Variants in XRRA1 observed in about 807,000 individuals in gnomAD.
XRRA1 encodes the protein X-ray radiation resistance-associated protein 1.
In XRRA1, 69 loss-of-function variants were observed where a neutral mutation model predicts 80.2. The observed-to-expected ratio is 0.86, with a 90% confidence interval of 0.71 to 1.05. The LOEUF (loss-of-function observed/expected upper bound fraction) is 1.05. Ranked by LOEUF, XRRA1 falls within the 50% of genes least tolerant of loss-of-function variation. The pLI, the probability that XRRA1 is intolerant of heterozygous loss-of-function variation, is 0.00. For synonymous variants in XRRA1, 348 were observed against 389.9 expected, an observed-to-expected ratio of 0.89 and a Z score of 1.27; for missense variants, 967 against 976.4, an observed-to-expected ratio of 0.99 and a Z score of 0.13.
Position 74,921,363 on chromosome 11 carries a change from G to GA in XRRA1, c.523-17dup. 1 of 1,613,670 alleles carries GA rather than the reference G, an allele frequency of 6.2e-7. No individual in the cohort carries two copies. The highest frequency in any genetic ancestry group is 8.5e-7 in the Non-Finnish European group (1 of 1,179,696). ...GGTCCAAGAACTGCCATGCAAAGAT[G>GA]AAAGATGGGGAAGGTAAGCACTCTG... On this transcript the variant is annotated splice_polypyrimidine_tract_variant and intron_variant, in intron 7 of 18. Transcript: ENST00000684022.
At chr11:74,898,650 A>G (rs972695208) in intron 10 of XRRA1, among the ~76,000 whole-genome samples, 2 of 152,190 alleles carry the variant, frequency 1.3e-5, no homozygotes, top group Non-Finnish European at 2.9e-5. Context: ...AAAAACTTTA[A>G]GAAGATAATT....
intron 5 of XRRA1, among the ~76,000 whole-genome samples, chr11:74,931,111 T>C (rs927134219): frequency 4.4e-5 from 6 of 137,866 alleles, no homozygotes; most frequent in African/African-American, 1.7e-4. Flanking sequence ...CCAGCTCCCA[T>C]ATCTTTTTTT....
At chr11:74,873,237 G>A (rs1306488753) in intron 10 of XRRA1, among the ~76,000 whole-genome samples, 6 of 152,114 alleles carry the variant, frequency 3.9e-5, no homozygotes, top group Admixed American at 1.3e-4. Flanking sequence ...TGAAAATGCA[G>A]GGCCTCCTCG....
At chr11:74,908,071 A>G (rs890054844) in intron 8 of XRRA1, among the ~76,000 whole-genome samples, 1 of 152,190 alleles carries the variant, frequency 6.6e-6, no homozygotes, top group African/African-American at 2.4e-5. Flanking sequence ...TGCCACCCAC[A>G]CACCAAAATA....
At chr11:74,935,252 T>G (rs766339739) in intron 4 of XRRA1, among the ~76,000 whole-genome samples, 7 of 152,202 alleles carry the variant, frequency 4.6e-5, no homozygotes, top group Non-Finnish European at 1.0e-4. Context: ...TGACCACAAT[T>G]GCTGCAGCCA....
rs1199612008 is a variant in XRRA1, at chr11:74,843,303, A to C, written c.2300T>G (p.Met767Arg). 6.2e-7 allele frequency: 1 copy of C among 1,602,036 alleles called. No individual in the cohort carries two copies. The highest frequency in any genetic ancestry group is 2.3e-5 in the East Asian group (1 of 44,210). The change falls in exon 19 of 19, where the codon ATG becomes AGG. Residue 767 changes from methionine to arginine, a missense_variant. Coordinates refer to ENST00000684022, the MANE Select transcript of XRRA1 (RefSeq NM_001378157.1). ...RTVFGTTPLP[M>R]ACPALSESQP... is the part of the protein sequence containing the mutation. Reference sequence around the variant, plus strand: ...GCTCTCACTCAGCGCTGGGCAGGCCATGGGGAGCGGGGTAGTCCCGAACAC... The same window carrying C: ...GCTCTCACTCAGCGCTGGGCAGGCCCTGGGGAGCGGGGTAGTCCCGAACAC...
At position 74,848,408 on chromosome 11, in the gene XRRA1, G is replaced by A. The variant is rs564157583; in HGVS notation, c.1435C>T (p.Arg479Cys). Reference sequence around the variant, plus strand: ...GAGGGAGACTTGGTTGTCGTCATGCGCGGGTGATGGAGCACCAGAGGCTGC... The same window carrying A: ...GAGGGAGACTTGGTTGTCGTCATGCACGGGTGATGGAGCACCAGAGGCTGC... ...PKQPLVLHHPRMTTTKSPSKD... is the reference protein window; with the variant it reads ...PKQPLVLHHPCMTTTKSPSKD... The change falls in exon 15 of 19, where the codon CGC becomes TGC. Residue 479 changes from arginine (R) to cysteine (C), a missense_variant. Arg to Cys is a radical substitution (Grantham distance 180, BLOSUM62 -3). Transcript: ENST00000684022. 2.8e-5 allele frequency: 45 copies of A among 1,613,772 alleles called. No homozygotes were observed. Among genetic ancestry groups the A allele is most frequent in the Middle Eastern group, 1.6e-4 (1 of 6,062 alleles).
At chr11:74,875,856 G>C (rs2045926041) in intron 10 of XRRA1, among the ~76,000 whole-genome samples, 1 of 152,190 alleles carries the variant, frequency 6.6e-6, no homozygotes, top group African/African-American at 2.4e-5. Flanking sequence ...GAGCAACAGA[G>C]TGAAACTGTG....
chr11:74,862,647 C>G (rs1427580094), intron 11 of XRRA1, among the ~76,000 whole-genome samples: 1 of 152,224 alleles, frequency 6.6e-6, no homozygotes, highest in Non-Finnish European at 1.5e-5. Flanking sequence ...AGCCCCACTT[C>G]AATGCCAATT....
At chr11:74,935,248 C>A (rs1354699950) in intron 4 of XRRA1, among the ~76,000 whole-genome samples, 1 of 152,158 alleles carries the variant, frequency 6.6e-6, no homozygotes, top group Non-Finnish European at 1.5e-5. Flanking sequence ...GTGATGACCA[C>A]AATTGCTGCA....
chr11:74,926,674 AG>A, intron 7 of XRRA1, among the ~76,000 whole-genome samples: 1 of 152,170 alleles, frequency 6.6e-6, no homozygotes, highest in South Asian at 2.1e-4. Context: ...TCTTCATGAA[AG>A]CTAAATAAGT....
chr11:74,906,437 C>A lies in XRRA1; in HGVS notation c.805G>T (p.Asp269Tyr), dbSNP rs1183884976. The change falls in exon 10 of 19, where the codon GAT (aspartate) becomes TAT (tyrosine). Residue 269 changes from aspartate (D) to tyrosine (Y), a missense_variant. Physicochemically the swap from Asp to Tyr is radical, Grantham distance 160. Coordinates refer to ENST00000684022, the MANE Select transcript of XRRA1 (RefSeq NM_001378157.1). ...GGGATCCTGATAATCCTGTTTTCAT[C>A]CAAGCTTAACTTCTTCAGTCTTCAA... ...GLRRLKKLSL[D>Y]ENRIIRIPYL... 1.9e-6 allele frequency: 3 copies of A among 1,613,910 alleles called. No homozygotes were observed. In the South Asian group the frequency reaches 3.3e-5, roughly 18 times the overall value.
intron 2 of XRRA1, among the ~76,000 whole-genome samples, chr11:74,941,956 T>TA (rs1012022914): frequency 6.6e-6 from 1 of 151,436 alleles, no homozygotes; most frequent in African/African-American, 2.4e-5. Context: ...TGCAAAAAAT[T>TA]AAAAAAAATT....
At chr11:74,925,216 C>A (rs1418044296) in intron 7 of XRRA1, among the ~76,000 whole-genome samples, 1 of 152,192 alleles carries the variant, frequency 6.6e-6, no homozygotes, top group Non-Finnish European at 1.5e-5. Flanking sequence ...AAAGTACTGG[C>A]AAAACCAAGA....
intron 10 of XRRA1, among the ~76,000 whole-genome samples, chr11:74,895,837 A>G (rs969717757): frequency 6.6e-6 from 1 of 152,220 alleles, no homozygotes; most frequent in Non-Finnish European, 1.5e-5. Context: ...ACTGCTTTCA[A>G]GGGAAGGACT....
At chr11:74,874,343 C>A (rs1277759022) in intron 10 of XRRA1, among the ~76,000 whole-genome samples, 1 of 151,556 alleles carries the variant, frequency 6.6e-6, no homozygotes, top group African/African-American at 2.4e-5. Flanking sequence ...TTAAAACAAG[C>A]CTTACTTAAG....
intron 3 of XRRA1, among the ~76,000 whole-genome samples, chr11:74,938,396 G>C (rs2139807106): frequency 6.6e-6 from 1 of 152,336 alleles, no homozygotes; most frequent in Non-Finnish European, 1.5e-5. Flanking sequence ...CTCAGTCTGA[G>C]TTGGTGCCAA....
chr11:74,851,879 C>T (rs992879209), intron 13 of XRRA1, 110 bp downstream of exon 13: 3 of 924,854 alleles, frequency 3.2e-6, no homozygotes, highest in African/African-American at 3.2e-5. Flanking sequence ...ACCTTGTCCA[C>T]CCCGACACAG....
intron 12 of XRRA1, among the ~76,000 whole-genome samples, chr11:74,853,948 G>A (rs959668869): frequency 6.6e-6 from 1 of 151,972 alleles, no homozygotes; most frequent in African/African-American, 2.4e-5. Flanking sequence ...AGAAATATGA[G>A]GACCTAAATT....
Sources: allele counts gnomAD v4.1 joint callset (sites outside exome capture counted in the v4.1 genomes callset), GRCh38; gene constraint gnomAD v4.1.1; transcripts MANE v1.5; gene names NCBI Gene and HGNC (gene_info 2026-07-23, HGNC 2026-07-21).